AP1AR: variants seen among roughly 807,000 people sequenced by gnomAD.
The protein encoded by AP1AR is adaptor related protein complex 1 associated regulatory protein, also known as AP-1 complex-associated regulatory protein.
AP1AR carries 29 observed loss-of-function variants against 46.3 expected under a neutral mutation model. The observed-to-expected ratio is 0.63, with a 90% CI of 0.47 to 0.85. The LOEUF (loss-of-function observed/expected upper bound fraction) is 0.85, where lower values mean the gene tolerates loss of function less well. AP1AR is among the 40% of genes least tolerant of loss of function. The probability of loss-of-function intolerance (pLI) is 0.00; values close to 1 mark genes in which losing one functional copy is unlikely to be tolerated. For missense variants in AP1AR, 357 were observed against 356.3 expected (o/e 1.00, Z -0.02); for synonymous variants, 122 against 122.9 (o/e 0.99, Z 0.05).
Position 112,268,981 on chromosome 4 carries a change from A to G in AP1AR, c.*572A>G, listed in dbSNP as rs894441797. On this transcript the variant is annotated 3_prime_UTR_variant, in exon 10 of 10. Transcript: ENST00000274000. ...GTATCGGCATTACATGTGTTTATTT[A>G]CATGTCCTAGTATGATAATGTTGAT... is the stretch of plus-strand genomic sequence containing the variant. 16 of 151,796 alleles carry G rather than the reference A, an allele frequency of 1.1e-4. No homozygotes were observed. The highest frequency in any genetic ancestry group is 3.9e-4 in the African/African-American group (16 of 41,390). 9.4% of individuals were successfully genotyped at this position (151,796 alleles called of 1,614,324 possible). A position where few individuals can be genotyped will look rare whatever the true frequency, so the allele number is the denominator to read the frequency against.
rs1385575269 is a variant in AP1AR, at chr4:112,271,493, G to A, written c.*3084G>A. ...CTAAGGACCAGGTATACAGGGAGCT[G>A]ACTCCATCCTGATACTGCTTTTGCT... On this transcript the variant is annotated 3_prime_UTR_variant, in exon 10 of 10. Coordinates refer to ENST00000274000, the MANE Select transcript of AP1AR (RefSeq NM_018569.6). Among the ~76,000 whole-genome samples, 1 of 152,196 alleles carries A rather than the reference G, an allele frequency of 6.6e-6. No homozygotes were observed. The highest frequency in any genetic ancestry group is 1.9e-4 in the East Asian group (1 of 5,200).
chr4:112,268,372 G>A lies in AP1AR; in HGVS notation c.872G>A (p.Gly291Asp). The A allele has an allele frequency of 1.2e-6, 2 of 1,608,940 alleles. No homozygotes were observed. Among genetic ancestry groups the A allele is most frequent in the Non-Finnish European group, 8.5e-7 (1 of 1,177,126 alleles). ...VNPVLELSDSGIRHSDTDQQT... is the reference protein window; with the variant it reads ...VNPVLELSDSDIRHSDTDQQT... ...CCTGTATTAGAACTGTCTGATTCTGGCATAAGGCATTCTGACACAGATCAA... is the reference window on the plus strand; with the variant it reads ...CCTGTATTAGAACTGTCTGATTCTGACATAAGGCATTCTGACACAGATCAA... The change falls in exon 10 of 10, where the codon GGC becomes GAC. Residue 291 changes from glycine to aspartate, a missense_variant. By Grantham distance (94) the Gly-to-Asp change is moderately conservative. This residue lies in a region of AP1AR where 88 missense variants were observed against 132.7 expected (regional missense o/e 0.66). Transcript: ENST00000274000.
chr4:112,264,882 AT>A, intron 6 of AP1AR, 126 bp from the exon 7 acceptor site: 1 of 695,278 alleles, frequency 1.4e-6, no homozygotes, highest in Non-Finnish European at 2.3e-6. Flanking sequence ...TTAAGGAAAA[AT>A]ATATCAACAA....
intron 1 of AP1AR, among the ~76,000 whole-genome samples, chr4:112,240,247 A>C (rs769488414): frequency 1.3e-5 from 2 of 151,802 alleles, no homozygotes; most frequent in Non-Finnish European, 2.9e-5. Flanking sequence ...CCTTGAATCT[A>C]TTTCTTTCCT....
At chr4:112,254,088 A>G (rs766690983) in intron 2 of AP1AR, among the ~76,000 whole-genome samples, 2 of 152,188 alleles carry the variant, frequency 1.3e-5, no homozygotes, top group African/African-American at 2.4e-5. Flanking sequence ...TAACAATAAA[A>G]CACCTTTTAT....
chr4:112,233,468 T>G (rs577775977), intron 1 of AP1AR, among the ~76,000 whole-genome samples: 5 of 152,358 alleles, frequency 3.3e-5, no homozygotes, highest in African/African-American at 1.2e-4. Context: ...AATTTTTGTG[T>G]GTGAATGAAA....
chr4:112,253,904 A>G (rs1726072823), intron 2 of AP1AR, among the ~76,000 whole-genome samples: 2 of 152,230 alleles, frequency 1.3e-5, no homozygotes, highest in African/African-American at 2.4e-5. Flanking sequence ...ATGGCCTTCT[A>G]TATTAATAAG....
At chr4:112,247,740 A>T (rs1013219222) in intron 1 of AP1AR, among the ~76,000 whole-genome samples, 3 of 152,256 alleles carry the variant, frequency 2.0e-5, no homozygotes, top group African/African-American at 7.2e-5. Flanking sequence ...AACATATGTC[A>T]GCGTGTCTTT....
intron 1 of AP1AR, among the ~76,000 whole-genome samples, chr4:112,233,132 C>T (rs1010208262): frequency 3.3e-5 from 5 of 152,192 alleles, no homozygotes; most frequent in African/African-American, 1.2e-4. Flanking sequence ...GCTAATTTTT[C>T]ATAATCTGTT....
chr4:112,268,397 A>G lies in AP1AR; in HGVS notation c.897A>G (p.Gln299=), dbSNP rs374904998. The G allele has an allele frequency of 8.6e-5, 138 of 1,596,664 alleles. No homozygotes were observed. In the African/African-American group the frequency reaches 1.4e-3, roughly 16 times the overall value. The part of the protein sequence containing the change: ...DSGIRHSDTD[Q]QTR ...GCATAAGGCATTCTGACACAGATCAACAGACTCGATAGGGTAAAATTGTGT... is the reference window on the plus strand; with the variant it reads ...GCATAAGGCATTCTGACACAGATCAGCAGACTCGATAGGGTAAAATTGTGT... Residue 299 remains glutamine (Q), a synonymous_variant, in exon 10 of 10, where the codon CAA becomes CAG. Coordinates refer to ENST00000274000, the MANE Select transcript of AP1AR (RefSeq NM_018569.6).
Position 112,268,352 on chromosome 4 carries a change from A to G in AP1AR, c.852A>G (p.Val284=), listed in dbSNP as rs35163370. ...AGTATTCTGGATTTGTAAATCCTGT[A>G]TTAGAACTGTCTGATTCTGGCATAA... ...NSEYSGFVNP[V]LELSDSGIRH... Residue 284 remains valine (V), a synonymous_variant, in exon 10 of 10, where the codon GTA becomes GTG. Transcript: ENST00000274000. 1,410 of 1,612,460 alleles carry G rather than the reference A, an allele frequency of 8.7e-4. 18 individuals are homozygous for G. The African/African-American group carries it at 0.017, about 20-fold the overall frequency.
At chr4:112,262,447 T>C (rs534983698) in intron 5 of AP1AR, among the ~76,000 whole-genome samples, 18 of 152,338 alleles carry the variant, frequency 1.2e-4, no homozygotes, top group Non-Finnish European at 2.1e-4. Flanking sequence ...ACAATAGATA[T>C]TACTAAAGCA....
intron 4 of AP1AR, among the ~76,000 whole-genome samples, chr4:112,258,624 AT>A (rs1726306100): frequency 6.6e-6 from 1 of 152,254 alleles, no homozygotes; most frequent in Non-Finnish European, 1.5e-5. Flanking sequence ...AATGCTAACT[AT>A]CCAGGCAGAG....
chr4:112,271,047 G>A lies in AP1AR; in HGVS notation c.*2638G>A, dbSNP rs140991916. ...AATCATCAGGATTTTCTGATGGGTTGGATATAAGACTAAAGGAAGGGGTAG... is the reference window on the plus strand; with the variant it reads ...AATCATCAGGATTTTCTGATGGGTTAGATATAAGACTAAAGGAAGGGGTAG... On this transcript the variant is annotated 3_prime_UTR_variant, in exon 10 of 10. Transcript: ENST00000274000. Among the ~76,000 whole-genome samples the A allele has an allele frequency of 6.6e-6, 1 of 152,128 alleles. No individual in the cohort carries two copies. Among genetic ancestry groups the A allele is most frequent in the Non-Finnish European group, 1.5e-5 (1 of 68,022 alleles).
At position 112,232,124 on chromosome 4, in the gene AP1AR, A is replaced by T. The variant is rs368298902; in HGVS notation, c.33A>T (p.Gly11=). Residue 11 remains glycine, a synonymous_variant, in exon 1 of 10, where the codon GGA becomes GGT. Coordinates refer to ENST00000274000, the MANE Select transcript of AP1AR (RefSeq NM_018569.6). MGNCCWTQCF[G]LLRKEAGRLQ... is the part of the protein sequence containing the mutation. ...ACTGCTGCTGGACGCAGTGCTTCGGACTGCTTCGCAAGGAAGCGGGGCGGC... is the reference window on the plus strand; with the variant it reads ...ACTGCTGCTGGACGCAGTGCTTCGGTCTGCTTCGCAAGGAAGCGGGGCGGC... 1.0e-5 allele frequency: 13 copies of T among 1,293,528 alleles called. No individual in the cohort carries two copies. The African/African-American group carries it at 1.4e-4, about 14-fold the overall frequency. 80.1% of individuals were successfully genotyped at this position (1,293,528 alleles called of 1,614,324 possible).
At chr4:112,250,686 G>A (rs567435434) in intron 1 of AP1AR, among the ~76,000 whole-genome samples, 13 of 152,212 alleles carry the variant, frequency 8.5e-5, no homozygotes, top group Middle Eastern at 3.4e-3. Context: ...TTGCCAAATC[G>A]AGTATTTACT....
intron 1 of AP1AR, among the ~76,000 whole-genome samples, chr4:112,234,658 GTTT>G (rs774999279): frequency 7.1e-6 from 1 of 141,768 alleles, no homozygotes; most frequent in African/African-American, 2.6e-5. Flanking sequence ...TCTTATTTTA[GTTT>G]TTTTTTTTTT....
intron 1 of AP1AR, among the ~76,000 whole-genome samples, chr4:112,239,565 T>C (rs1013823062): frequency 1.3e-5 from 2 of 152,230 alleles, no homozygotes; most frequent in Non-Finnish European, 2.9e-5. Flanking sequence ...CATCATCCCA[T>C]GTTTCCAGTC....
chr4:112,240,891 A>C (rs1458993754), intron 1 of AP1AR, among the ~76,000 whole-genome samples: 1 of 152,232 alleles, frequency 6.6e-6, no homozygotes, highest in East Asian at 1.9e-4. Context: ...TCAGTAACTT[A>C]CAGAAATAAA....
Sources: gnomAD v4.1 joint callset for allele counts (sites outside exome capture counted in the v4.1 genomes callset) on GRCh38, gnomAD v4.1.1 for gene constraint, gnomAD v4.1.1 regional missense constraint, MANE v1.5 for transcripts, NCBI Gene and HGNC (gene_info 2026-07-23, HGNC 2026-07-21) for gene names.